The following PPARGC1A variants were observed in gnomAD, a reference collection of about 807,000 sequenced individuals.
PPARGC1A encodes peroxisome proliferator-activated receptor gamma coactivator 1-alpha.
PPARGC1A carries 25 observed loss-of-function variants against 88.7 expected under a neutral mutation model. The ratio of observed to expected loss-of-function variants is 0.28; its 90% CI spans 0.21 to 0.39. The LOEUF (loss-of-function observed/expected upper bound fraction) is 0.39, where lower values mean the gene tolerates loss of function less well. Ranked by LOEUF, PPARGC1A falls within the 10% of genes least tolerant of loss-of-function variation. The pLI, the probability that PPARGC1A is intolerant of heterozygous loss-of-function variation, is 1.00. For synonymous variants in PPARGC1A, 363 were observed against 355.6 expected, an observed-to-expected ratio of 1.02 and a Z score of -0.24; for missense variants, 880 against 968.7, an observed-to-expected ratio of 0.91 and a Z score of 1.22.
intron 2 of PPARGC1A, among the ~76,000 whole-genome samples, chr4:23,835,107 G>C (rs1725765439): frequency 6.6e-6 from 1 of 152,138 alleles, no homozygotes; most frequent in South Asian, 2.1e-4. Context: ...CCAATAAATG[G>C]ATAATTTTGT....
chr4:24,389,847 G>A, the PPARGC1A span, among the ~76,000 whole-genome samples: 1 of 152,106 alleles, frequency 6.6e-6, no homozygotes, highest in Non-Finnish European at 1.5e-5. Context: ...CCACTATAGA[G>A]ATTTTAGCTA....
the PPARGC1A span, among the ~76,000 whole-genome samples, chr4:24,009,570 T>A: frequency 6.6e-6 from 1 of 152,212 alleles, no homozygotes; most frequent in Non-Finnish European, 1.5e-5. Context: ...CATTCTCCTT[T>A]TAGTAACTAC....
At chr4:24,392,994 A>ATGGATTACT in the PPARGC1A span, among the ~76,000 whole-genome samples, 2 of 148,410 alleles carry the variant, frequency 1.3e-5, no homozygotes, top group African/African-American at 2.5e-5. Flanking sequence ...TCTAAACCCC[A>ATGGATTACT]TGGATTACTG....
rs755175694 is a variant in PPARGC1A at position 23,814,558 on chromosome 4, G to A, written c.925C>T (p.Pro309Ser). ...TTCAGCTTTGGAGAAGCCCTAAAAG[G>A]GTTATCTTGGTTGGCTTTATGAGGA... ...TPPHKANQDN[P>S]FRASPKLKSS... The change falls in exon 8 of 13, where the codon CCT becomes TCT. Residue 309 changes from proline to serine, a missense_variant. Transcript: ENST00000264867. 2 of 1,610,996 alleles carry A rather than the reference G, an allele frequency of 1.2e-6. No homozygotes were observed. The highest frequency in any genetic ancestry group is 2.2e-5 in the East Asian group (1 of 44,810).
the PPARGC1A span, among the ~76,000 whole-genome samples, chr4:24,311,244 C>T: frequency 2.0e-5 from 3 of 148,368 alleles, no homozygotes; most frequent in African/African-American, 7.3e-5. Flanking sequence ...GGACTACAGG[C>T]GCCCGCCACC....
chr4:24,190,797 A>C, the PPARGC1A span, among the ~76,000 whole-genome samples: 1 of 152,162 alleles, frequency 6.6e-6, no homozygotes, highest in Non-Finnish European at 1.5e-5. Context: ...AACTCCAGCC[A>C]GTGTTCAGCC....
At chr4:23,799,470 C>T (rs768669321) in intron 12 of PPARGC1A, among the ~76,000 whole-genome samples, 3 of 152,280 alleles carry the variant, frequency 2.0e-5, no homozygotes, top group South Asian at 2.1e-4. Context: ...CTTTGCCCAA[C>T]GGCAGTGGTA....
chr4:24,177,656 TAAATAAATAAAA>T, the PPARGC1A span, among the ~76,000 whole-genome samples: 1 of 90,382 alleles, frequency 1.1e-5, no homozygotes, highest in Non-Finnish European at 2.0e-5. Context: ...AATAAATAAA[TAAATAAATAAAA>T]TTTTTAAAAA....
the PPARGC1A span, among the ~76,000 whole-genome samples, chr4:24,369,307 A>G: frequency 6.6e-6 from 1 of 152,170 alleles, no homozygotes; most frequent in Non-Finnish European, 1.5e-5. Flanking sequence ...CCTCATGTTC[A>G]AGTCTGAGAA....
At chr4:24,243,610 G>A in the PPARGC1A span, among the ~76,000 whole-genome samples, 1 of 152,162 alleles carries the variant, frequency 6.6e-6, no homozygotes, top group Admixed American at 6.5e-5. Context: ...TAGGGTTTTT[G>A]CCAAGGTTTT....
the PPARGC1A span, among the ~76,000 whole-genome samples, chr4:24,269,634 T>C: frequency 6.7e-6 from 1 of 150,124 alleles, no homozygotes. Flanking sequence ...TTAATCACCA[T>C]TAGCTGCCTT....
At chr4:24,460,311 C>T in the PPARGC1A span, among the ~76,000 whole-genome samples, 4 of 152,054 alleles carry the variant, frequency 2.6e-5, no homozygotes, top group African/African-American at 4.8e-5. Flanking sequence ...TCTTTTCAGC[C>T]GGCGAACTGT....
the PPARGC1A span, among the ~76,000 whole-genome samples, chr4:24,179,555 A>G: frequency 5.3e-5 from 8 of 152,150 alleles, no homozygotes; most frequent in Non-Finnish European, 1.0e-4. Context: ...AATGAGAGAC[A>G]TGTAGTTCAG....
the PPARGC1A span, among the ~76,000 whole-genome samples, chr4:23,932,982 G>T: frequency 6.6e-6 from 1 of 152,194 alleles, no homozygotes; most frequent in African/African-American, 2.4e-5. Context: ...CAGTTGGGCA[G>T]AGTTTTCCCG....
intron 5 of PPARGC1A, among the ~76,000 whole-genome samples, chr4:23,825,485 A>AT (rs1274056067): frequency 2.0e-5 from 3 of 152,116 alleles, no homozygotes; most frequent in Non-Finnish European, 4.4e-5. Flanking sequence ...TTCTTATCTT[A>AT]TGGTTGAAGA....
At chr4:23,829,769 A>G (rs1319122528) in intron 3 of PPARGC1A, 184 bp from the exon 4 acceptor site, 2 of 457,532 alleles carry the variant, frequency 4.4e-6, no homozygotes, top group Non-Finnish European at 6.7e-6. Context: ...GAGTAGAAAA[A>G]AGTTTGGCAT....
chr4:24,062,849 T>C, the PPARGC1A span, among the ~76,000 whole-genome samples: 1 of 152,256 alleles, frequency 6.6e-6, no homozygotes, highest in Non-Finnish European at 1.5e-5. Flanking sequence ...TTTAAATTCT[T>C]ATTTTTTAGT....
intron 2 of PPARGC1A, among the ~76,000 whole-genome samples, chr4:23,845,363 A>C (rs926587265): frequency 1.3e-5 from 2 of 152,154 alleles, no homozygotes; most frequent in African/African-American, 2.4e-5. Flanking sequence ...AAGACTTAGC[A>C]CCACAAGATA....
the PPARGC1A span, among the ~76,000 whole-genome samples, chr4:24,319,719 G>A: frequency 2.6e-5 from 4 of 152,092 alleles, no homozygotes; most frequent in Non-Finnish European, 4.4e-5. Context: ...CTGCAGTTAC[G>A]GCTAATGTTA....
Sources: allele counts gnomAD v4.1 joint callset (sites outside exome capture counted in the v4.1 genomes callset), GRCh38; gene constraint gnomAD v4.1.1; transcripts MANE v1.5; gene names NCBI Gene and HGNC (gene_info 2026-07-23, HGNC 2026-07-21).